ZNF407: variants seen among roughly 807,000 people sequenced by gnomAD.
The protein encoded by ZNF407 is zinc finger protein 407.
A neutral mutation model predicts 131.2 loss-of-function variants in ZNF407; 17 were observed. The ratio of observed to expected loss-of-function variants is 0.13; its 90% CI spans 0.09 to 0.19. The LOEUF (loss-of-function observed/expected upper bound fraction) is 0.19. Among genes scored for constraint, ZNF407 ranks in the 10% least tolerant of loss-of-function variants. The pLI is 1.00. For missense variants in ZNF407, 2,681 were observed against 2,830.6 expected, an observed-to-expected ratio of 0.95 and a Z score of 1.20; for synonymous variants, 1,156 against 1,062.0, an observed-to-expected ratio of 1.09 and a Z score of -1.72.
rs138297162 is a variant in ZNF407, at chr18:74,834,953, C to T, written c.4878-42244C>T. Among the ~76,000 whole-genome samples the T allele has an allele frequency of 1.6e-4, 25 of 152,222 alleles. No individual in the cohort carries two copies. In the East Asian group the frequency reaches 4.6e-3, roughly 28 times the overall value. On this transcript the variant is annotated intron_variant, in intron 4 of 8. Coordinates refer to ENST00000299687, the MANE Select transcript of ZNF407 (RefSeq NM_017757.3). ...GTGATTTTTGTTTTCCTTTTTGCTT[C>T]TTAGATTTCTGACAGTACCCTTGTA... is the stretch of plus-strand genomic sequence containing the variant.
intron 8 of ZNF407, among the ~76,000 whole-genome samples, chr18:74,998,094 G>A (rs1353696041): frequency 1.3e-5 from 2 of 152,248 alleles, no homozygotes; most frequent in East Asian, 1.9e-4. Flanking sequence ...CTGCACCCAC[G>A]GGCTCACCAG....
In ZNF407 at chr18:75,063,239, G is replaced by A. The variant is rs778156240; in HGVS notation, c.5518G>A (p.Ala1840Thr). ...CAGCCCCTTCACCGCGGCGGCCTTG[G>A]CAGAAGAGCCCCTCGTCAAGGAGAA... ...TDSPFTAAAL[A>T]EEPLVKEKPL... Residue 1840 changes from alanine (A) to threonine (T), a missense_variant, in exon 9 of 9, where the codon GCA (alanine) becomes ACA (threonine). By Grantham distance (58) the Ala-to-Thr change is moderately conservative (BLOSUM62 0). This residue lies in a region of ZNF407 where 620 missense variants were observed against 583.1 expected (regional missense o/e 1.06). Transcript: ENST00000299687. This position sits in a 1 kb window ranked among gnomAD's most constrained non-coding sequence, Gnocchi z 6.6. 6.2e-7 allele frequency: 1 copy of A among 1,613,550 alleles called. No individual in the cohort carries two copies.
At chr18:74,637,950 ACATGAC>A (rs887140137) in intron 2 of ZNF407, among the ~76,000 whole-genome samples, 7 of 152,248 alleles carry the variant, frequency 4.6e-5, no homozygotes, top group Admixed American at 2.0e-4. Flanking sequence ...GAAGTAATCA[ACATGAC>A]CAGAAAGGGC....
chr18:74,755,728 C>CTTTCTTTCTTTCTTTCTTTCTTT (rs1968925683), intron 3 of ZNF407, among the ~76,000 whole-genome samples: 1 of 63,480 alleles, frequency 1.6e-5, no homozygotes, highest in Non-Finnish European at 2.8e-5. Context: ...TTCTTTCTTT[C>CTTTCTTTCTTTCTTTCTTTCTTT]CTTTCTTTCT....
chr18:74,904,550 A>G (rs1971570553), intron 7 of ZNF407, among the ~76,000 whole-genome samples: 1 of 152,180 alleles, frequency 6.6e-6, no homozygotes, highest in Admixed American at 6.5e-5. Flanking sequence ...CTGAAATGCT[A>G]AATTCTGAAG....
At chr18:74,615,656 G>T (rs1382560274) in intron 1 of ZNF407, among the ~76,000 whole-genome samples, 1 of 152,198 alleles carries the variant, frequency 6.6e-6, no homozygotes, top group Non-Finnish European at 1.5e-5. Context: ...TTTATATTCT[G>T]CAGTTTTCCT....
chr18:74,822,254 A>G (rs933968456), intron 4 of ZNF407, among the ~76,000 whole-genome samples: 1 of 152,124 alleles, frequency 6.6e-6, no homozygotes, highest in African/African-American at 2.4e-5. Context: ...TGCTGTGCAG[A>G]AGCTCTTTAG....
chr18:74,802,826 A>G (rs1348787169), intron 4 of ZNF407, among the ~76,000 whole-genome samples: 1 of 152,226 alleles, frequency 6.6e-6, no homozygotes, highest in Non-Finnish European at 1.5e-5. Flanking sequence ...TAAGTTTGCA[A>G]TACATTGTCA....
At chr18:74,992,944 A>C (rs1180107572) in intron 8 of ZNF407, among the ~76,000 whole-genome samples, 2 of 152,208 alleles carry the variant, frequency 1.3e-5, no homozygotes, top group African/African-American at 4.8e-5. Context: ...CACACCCACT[A>C]AGATGACTGA....
At chr18:74,755,888 T>TC (rs1568200104) in intron 3 of ZNF407, among the ~76,000 whole-genome samples, 2 of 45,376 alleles carry the variant, frequency 4.4e-5, no homozygotes, top group African/African-American at 2.2e-4. Context: ...TTCCTTCCTT[T>TC]TTTTTTTTTT....
chr18:74,779,088 C>CGT (rs761762103), intron 3 of ZNF407, among the ~76,000 whole-genome samples: 2 of 19,210 alleles, frequency 1.0e-4, no homozygotes, highest in East Asian at 9.4e-3. Context: ...TCATGCTTGG[C>CGT]ATATATATAT....
intron 3 of ZNF407, among the ~76,000 whole-genome samples, chr18:74,647,706 G>C (rs1275960664): frequency 6.6e-6 from 1 of 152,114 alleles, no homozygotes; most frequent in Non-Finnish European, 1.5e-5. Flanking sequence ...TTTATTATTT[G>C]TTTATGATTT....
At chr18:74,696,171 C>T (rs568461299) in intron 3 of ZNF407, among the ~76,000 whole-genome samples, 4 of 152,172 alleles carry the variant, frequency 2.6e-5, no homozygotes, top group Admixed American at 6.5e-5. Context: ...GTGGACACAA[C>T]GTGTGCTGGC....
At chr18:74,668,568 G>A (rs750849150) in intron 3 of ZNF407, among the ~76,000 whole-genome samples, 2 of 152,044 alleles carry the variant, frequency 1.3e-5, no homozygotes, top group African/African-American at 2.4e-5. Context: ...CTGCTTTGTC[G>A]AGACCGTTTT....
intron 3 of ZNF407, among the ~76,000 whole-genome samples, chr18:74,748,948 T>C (rs1214392890): frequency 2.0e-5 from 3 of 152,046 alleles, no homozygotes; most frequent in South Asian, 4.2e-4. Flanking sequence ...CTAGATGAGG[T>C]CTTCATGGGT....
chr18:74,843,688 A>AT (rs1380649010), intron 4 of ZNF407, among the ~76,000 whole-genome samples: 2 of 151,974 alleles, frequency 1.3e-5, no homozygotes, highest in East Asian at 1.9e-4. Flanking sequence ...TCTTGCTTTA[A>AT]TTTTTTTTCC....
intron 8 of ZNF407, among the ~76,000 whole-genome samples, chr18:74,993,214 T>A (rs1972739351): frequency 6.6e-6 from 1 of 152,264 alleles, no homozygotes; most frequent in Non-Finnish European, 1.5e-5. Context: ...TAGTTCTATA[T>A]GTTTATAATA....
At chr18:74,614,081 T>C (rs1983180338) in intron 1 of ZNF407, among the ~76,000 whole-genome samples, 1 of 152,208 alleles carries the variant, frequency 6.6e-6, no homozygotes. Context: ...GGATCACTTA[T>C]AAAATGAGGA....
At chr18:74,940,810 C>A (rs1052355108) in intron 8 of ZNF407, among the ~76,000 whole-genome samples, 4 of 152,162 alleles carry the variant, frequency 2.6e-5, no homozygotes, top group Non-Finnish European at 5.9e-5. Context: ...CTTTATTCAC[C>A]TCAGCCCCCT....
Sources: gnomAD v4.1 joint callset for allele counts (sites outside exome capture counted in the v4.1 genomes callset) on GRCh38, gnomAD v4.1.1 for gene constraint, gnomAD v4.1.1 regional missense constraint, Gnocchi (gnomAD v3.1) non-coding constraint, MANE v1.5 for transcripts, NCBI Gene and HGNC (gene_info 2026-07-23, HGNC 2026-07-21) for gene names.